TCOF1: variants seen among roughly 807,000 people sequenced by gnomAD.
TCOF1 encodes the protein treacle protein.
Under a neutral mutation model 149.0 loss-of-function variants are expected in TCOF1, and 33 were observed. The ratio of observed to expected loss-of-function variants is 0.22; its 90% CI spans 0.17 to 0.30. The LOEUF (loss-of-function observed/expected upper bound fraction) is 0.30. Ranked by LOEUF, TCOF1 falls within the 10% of genes least tolerant of loss-of-function variation. The probability of loss-of-function intolerance (pLI) is 1.00; values close to 1 mark genes in which losing one functional copy is unlikely to be tolerated. For synonymous variants in TCOF1, 789 were observed against 738.8 expected, an observed-to-expected ratio of 1.07 and a Z score of -1.10; for missense variants, 1,728 against 1,840.7, an observed-to-expected ratio of 0.94 and a Z score of 1.12.
intron 1 of TCOF1, 73 bp downstream of exon 1, chr5:150,357,927 G>C (rs1168811400): frequency 8.7e-6 from 13 of 1,489,486 alleles, no homozygotes; most frequent in African/African-American, 1.4e-5. Context: ...CCCGCGCCCC[G>C]TCCCCAGGCG....
Position 150,374,282 on chromosome 5 carries a change from G to C in TCOF1, c.979G>C (p.Ala327Pro). ...PAPPGKAGAV[A>P]SQTKAGKPEE... ...ACCCCCTGGGAAGGCAGGGGCTGTA[G>C]CCTCCCAGACCAAGGCAGGGAAGCC... is the stretch of plus-strand genomic sequence containing the variant. The change falls in exon 8 of 27, where the codon GCC (alanine) becomes CCC (proline). Residue 327 changes from alanine to proline, a missense_variant. By Grantham distance (27) the Ala-to-Pro change is conservative (BLOSUM62 -1). Coordinates refer to ENST00000643257, the MANE Select transcript of TCOF1 (RefSeq NM_001371623.1). 4 of 1,597,918 alleles carry C rather than the reference G, an allele frequency of 2.5e-6. No individual in the cohort carries two copies. Among genetic ancestry groups the C allele is most frequent in the Non-Finnish European group, 3.4e-6 (4 of 1,171,628 alleles).
rs1764431877 is a variant in TCOF1, at chr5:150,379,046, A to G, written c.2478+4A>G. Reference sequence around the variant, plus strand: ...CAAGCAGAGGTCTCCATCCAAGGCAAGTGGGGCCAGAAGCCACAGGAGGTG... The same window carrying G: ...CAAGCAGAGGTCTCCATCCAAGGCAGGTGGGGCCAGAAGCCACAGGAGGTG... On this transcript the variant is annotated splice_donor_region_variant and intron_variant, in intron 15 of 26. Coordinates refer to ENST00000643257, the MANE Select transcript of TCOF1 (RefSeq NM_001371623.1). 5 of 1,613,944 alleles carry G rather than the reference A, an allele frequency of 3.1e-6. No individual in the cohort carries two copies. The highest frequency in any genetic ancestry group is 3.4e-6 in the Non-Finnish European group (4 of 1,179,942).
intron 17 of TCOF1, chr5:150,384,227 A>G (rs1765813854): frequency 1.0e-6 from 1 of 996,126 alleles, no homozygotes; most frequent in South Asian, 4.6e-5. Flanking sequence ...GGCACAGATT[A>G]CAAAAGTAAA....
chr5:150,379,187 A>G (rs1236419409), intron 15 of TCOF1, 42 bp from the exon 16 acceptor site: 1 of 1,614,122 alleles, frequency 6.2e-7, no homozygotes, highest in Non-Finnish European at 8.5e-7. Flanking sequence ...ACCTGAAAGG[A>G]ATCACTTTTG....
At chr5:150,377,121 G>A (rs1763989222) in intron 14 of TCOF1, among the ~76,000 whole-genome samples, 1 of 152,232 alleles carries the variant, frequency 6.6e-6, no homozygotes, top group Non-Finnish European at 1.5e-5. Context: ...TCCAGGCAGA[G>A]GAAGCAGTCT....
chr5:150,367,580 C>T (rs1761634754), intron 3 of TCOF1: 5 of 476,766 alleles, frequency 1.0e-5, no homozygotes, highest in South Asian at 7.9e-5. Flanking sequence ...GGGGCCTCCA[C>T]GTCTCATGCT....
chr5:150,392,185 G>T lies in TCOF1; in HGVS notation c.3517+9G>T, dbSNP rs779641793. The stretch of plus-strand genomic sequence containing the variant: ...GTCAGCCCACACGCTGGGTGAGGGT[G>T]CCAGGGGAAAGGCAAGGGTGGGCCA... On this transcript the variant is annotated intron_variant, in intron 21 of 26. Transcript: ENST00000643257. 2 of 1,612,772 alleles carry T rather than the reference G, an allele frequency of 1.2e-6. No individual in the cohort carries two copies. Among genetic ancestry groups the T allele is most frequent in the Admixed American group, 1.7e-5 (1 of 59,966 alleles).
intron 1 of TCOF1, 69 bp from the exon 2 acceptor site, chr5:150,361,087 G>A: frequency 6.2e-7 from 1 of 1,603,832 alleles, no homozygotes; most frequent in Non-Finnish European, 8.5e-7. Flanking sequence ...AGTTTGGGGA[G>A]ATCTGGGCCC....
rs562745146 is a variant in TCOF1, at chr5:150,390,027, C to T, written c.3183+4C>T. 2.3e-5 allele frequency: 37 copies of T among 1,606,472 alleles called. No individual in the cohort carries two copies. The highest frequency in any genetic ancestry group is 3.4e-5 in the Admixed American group (2 of 58,862). On this transcript the variant is annotated splice_donor_region_variant and intron_variant, in intron 19 of 26. Transcript: ENST00000643257. Reference sequence around the variant, plus strand: ...ACAGGAGGGACCAGCCACTCAGGTACCTGGTGGGCAAGGGAGGGTAATGCA... The same window carrying T: ...ACAGGAGGGACCAGCCACTCAGGTATCTGGTGGGCAAGGGAGGGTAATGCA...
chr5:150,386,960 T>C (rs1041219693), intron 17 of TCOF1, among the ~76,000 whole-genome samples: 4 of 152,194 alleles, frequency 2.6e-5, no homozygotes, highest in African/African-American at 9.7e-5. Flanking sequence ...TACCCAAAGA[T>C]AGATAATGTA....
chr5:150,376,472 T>C lies in TCOF1; in HGVS notation c.2192T>C (p.Val731Ala). 1 of 1,614,158 alleles carries C rather than the reference T, an allele frequency of 6.2e-7. No individual in the cohort carries two copies. The highest frequency in any genetic ancestry group is 8.5e-7 in the Non-Finnish European group (1 of 1,180,010). The change falls in exon 14 of 27, where the codon GTC becomes GCC. Residue 731 changes from valine to alanine, a missense_variant. This residue lies in a region of TCOF1 where 1,696 missense variants were observed against 1,765.4 expected (regional missense o/e 0.96). Coordinates refer to ENST00000643257, the MANE Select transcript of TCOF1 (RefSeq NM_001371623.1). The stretch of plus-strand genomic sequence containing the variant: ...CAGGTGAAAGCAGCCTCAGTGCCTG[T>C]CAAGGGGTCCTTGGGGCAAGGGACT... ...GLQVKAASVPVKGSLGQGTAP... is the reference protein window; with the variant it reads ...GLQVKAASVPAKGSLGQGTAP...
At chr5:150,396,974 A>C in intron 24 of TCOF1, 132 bp downstream of exon 24, 25 of 1,067,460 alleles carry the variant, frequency 2.3e-5, no homozygotes, top group East Asian at 5.3e-5. Flanking sequence ...CCTGGCCAAC[A>C]TGGCAAAACC....
At chr5:150,370,026 C>T (rs1189392008) in intron 6 of TCOF1, among the ~76,000 whole-genome samples, 1 of 152,152 alleles carries the variant, frequency 6.6e-6, no homozygotes, top group East Asian at 1.9e-4. Flanking sequence ...GGTTCTGGGC[C>T]AACTGGTGAA....
Position 150,391,579 on chromosome 5 carries a change from C to A in TCOF1, c.3219C>A (p.Thr1073=). ...SKKNPASLPL[T]QAALKVLAQK... is the part of the protein sequence containing the mutation. The stretch of plus-strand genomic sequence containing the variant: ...AGAACCCAGCTTCCCTCCCACTGAC[C>A]CAGGCTGCCCTGAAGGTCCTCGCCC... The change falls in exon 20 of 27, where the codon ACC becomes ACA. Residue 1073 remains threonine, a synonymous_variant. Coordinates refer to ENST00000643257, the MANE Select transcript of TCOF1 (RefSeq NM_001371623.1). 1 of 1,614,164 alleles carries A rather than the reference C, an allele frequency of 6.2e-7. No homozygotes were observed. Among genetic ancestry groups the A allele is most frequent in the Non-Finnish European group, 8.5e-7 (1 of 1,180,034 alleles).
At chr5:150,357,986 C>A in intron 1 of TCOF1, 132 bp downstream of exon 1, 2 of 849,658 alleles carry the variant, frequency 2.4e-6, no homozygotes, top group South Asian at 1.8e-5. Context: ...ACGGCGCGGC[C>A]AGGGGTACCG....
At chr5:150,387,874 G>T (rs1003071015) in intron 17 of TCOF1, 28 bp from the exon 18 acceptor site, 6 of 1,613,138 alleles carry the variant, frequency 3.7e-6, no homozygotes, top group Admixed American at 1.7e-5. Flanking sequence ...TTAATCACTG[G>T]GGGGGTGTTT....
Position 150,396,718 on chromosome 5 carries a change from G to C in TCOF1, c.4221G>C (p.Gly1407=), listed in dbSNP as rs764055508. 6.2e-7 allele frequency: 1 copy of C among 1,612,814 alleles called. No homozygotes were observed. The highest frequency in any genetic ancestry group is 8.5e-7 in the Non-Finnish European group (1 of 1,179,668). ...ATGTCAAGGAGAAGAAAGGGAAGGG[G>C]TCTCTTGGCTCCCAAGGGGCCAAGG... ...SGDVKEKKGK[G]SLGSQGAKDE... The change falls in exon 24 of 27, where the codon GGG becomes GGC. Residue 1407 remains glycine (G), a synonymous_variant. Coordinates refer to ENST00000643257, the MANE Select transcript of TCOF1 (RefSeq NM_001371623.1).
chr5:150,390,916 G>C (rs750534867), intron 19 of TCOF1, among the ~76,000 whole-genome samples: 4 of 152,190 alleles, frequency 2.6e-5, no homozygotes, highest in Admixed American at 6.5e-5. Context: ...TAAATAAAAA[G>C]TATTCACCAG....
intron 3 of TCOF1, among the ~76,000 whole-genome samples, chr5:150,365,464 T>C (rs1761133299): frequency 6.6e-6 from 1 of 152,048 alleles, no homozygotes; most frequent in African/African-American, 2.4e-5. Context: ...GAAGAAAACT[T>C]AAAGGTTTTT....
Sources: gnomAD v4.1 joint callset for allele counts (sites outside exome capture counted in the v4.1 genomes callset) on GRCh38, gnomAD v4.1.1 for gene constraint, gnomAD v4.1.1 regional missense constraint, MANE v1.5 for transcripts, NCBI Gene and HGNC (gene_info 2026-07-23, HGNC 2026-07-21) for gene names.